Variants in PRKDC observed in about 807,000 individuals in gnomAD.
PRKDC encodes the protein DNA-dependent protein kinase catalytic subunit.
In PRKDC, 82 loss-of-function variants were observed where a neutral mutation model predicts 486.9. That is an observed-to-expected ratio of 0.17 (90% CI 0.14 to 0.20). The LOEUF is 0.20. Among genes scored for constraint, PRKDC ranks in the 10% least tolerant of loss-of-function variants. The pLI is 1.00. For missense variants in PRKDC, 4,504 were observed against 5,038.2 expected, an observed-to-expected ratio of 0.89 and a Z score of 3.21; for synonymous variants, 1,895 against 1,837.0, an observed-to-expected ratio of 1.03 and a Z score of -0.81.
At chr8:47,930,589 C>G in intron 17 of PRKDC, 83 bp downstream of exon 17, 1 of 1,353,550 alleles carries the variant, frequency 7.4e-7, no homozygotes, top group Non-Finnish European at 1.0e-6. Flanking sequence ...TCATTTCTTA[C>G]ATCTATATAA....
At chr8:47,954,066 C>G in intron 5 of PRKDC, 147 bp from the exon 6 acceptor site, 1 of 523,190 alleles carries the variant, frequency 1.9e-6, no homozygotes, top group Non-Finnish European at 3.3e-6. Flanking sequence ...TTTAGGACTG[C>G]ATTCTTTCCT....
At chr8:47,909,089 G>C (rs934125954) in intron 25 of PRKDC, among the ~76,000 whole-genome samples, 2 of 152,114 alleles carry the variant, frequency 1.3e-5, no homozygotes, top group African/African-American at 4.8e-5. Context: ...CCAGCCCCCA[G>C]GCAGTGTCTG....
At chr8:47,883,301 T>G (rs2089261830) in intron 36 of PRKDC, among the ~76,000 whole-genome samples, 1 of 152,232 alleles carries the variant, frequency 6.6e-6, no homozygotes, top group Non-Finnish European at 1.5e-5. Context: ...TCTAGATCCT[T>G]TCACACATAA....
At chr8:47,880,172 C>A (rs1319418349) in intron 38 of PRKDC, among the ~76,000 whole-genome samples, 1 of 152,082 alleles carries the variant, frequency 6.6e-6, no homozygotes, top group East Asian at 1.9e-4. Context: ...TGACTCTTAC[C>A]CAGGCTAGTT....
rs145884120 is a variant in PRKDC, at chr8:47,797,137, G to A, written c.10458+1100C>T. ...ACGTGTGAGCTGAGGACAGCATGGC[G>A]TGTGAGGAAGGATCAGTCCACACAG... On this transcript the variant is annotated intron_variant, in intron 73 of 85. Transcript: ENST00000314191. 3.7e-3 allele frequency among the ~76,000 whole-genome samples: 558 copies of A among 152,274 alleles called. 9 individuals are homozygous for A. Among genetic ancestry groups the A allele is most frequent in the African/African-American group, 0.013 (526 of 41,554 alleles).
chr8:47,925,957 T>C (rs2090150749), intron 21 of PRKDC, among the ~76,000 whole-genome samples: 1 of 152,218 alleles, frequency 6.6e-6, no homozygotes, highest in African/African-American at 2.4e-5. Context: ...GATTTTGTTT[T>C]GTCACCTAAT....
At chr8:47,925,857 G>C (rs2090148709) in intron 21 of PRKDC, among the ~76,000 whole-genome samples, 1 of 152,164 alleles carries the variant, frequency 6.6e-6, no homozygotes, top group African/African-American at 2.4e-5. Flanking sequence ...AGAACACATG[G>C]AGTTCTTTTT....
chr8:47,954,423 A>C lies in PRKDC; in HGVS notation c.423T>G (p.Ser141=). Residue 141 remains serine (S), a synonymous_variant, in exon 5 of 86, where the codon TCT becomes TCG. Coordinates refer to ENST00000314191, the MANE Select transcript of PRKDC (RefSeq NM_006904.7). Reference sequence around the variant, plus strand: ...CAATTTTAAATTCATCCATGAGTCTAGAACTTCTAAAAGTCTGAAGTAACT... The same window carrying C: ...CAATTTTAAATTCATCCATGAGTCTCGAACTTCTAAAAGTCTGAAGTAACT... ...LIKLLQTFRS[S]RLMDEFKIGE... 3.7e-6 allele frequency: 5 copies of C among 1,361,454 alleles called. No homozygotes were observed. Among genetic ancestry groups the C allele is most frequent in the Non-Finnish European group, 5.0e-6 (5 of 1,004,472 alleles). 84.3% of individuals were successfully genotyped at this position (1,361,454 alleles called of 1,614,324 possible).
chr8:47,872,121 G>A (rs1049333317), intron 40 of PRKDC, among the ~76,000 whole-genome samples: 13 of 152,138 alleles, frequency 8.5e-5, no homozygotes, highest in South Asian at 2.1e-4. Context: ...ACAGCAAAAC[G>A]TTTAAAAAGC....
At chr8:47,806,613 G>A (rs1472795023) in intron 69 of PRKDC, among the ~76,000 whole-genome samples, 1 of 152,180 alleles carries the variant, frequency 6.6e-6, no homozygotes, top group African/African-American at 2.4e-5. Flanking sequence ...CATTTAAATA[G>A]ATTACATGCA....
intron 40 of PRKDC, among the ~76,000 whole-genome samples, chr8:47,872,367 A>G (rs548483095): frequency 1.3e-3 from 200 of 152,276 alleles, no homozygotes; most frequent in Non-Finnish European, 2.4e-3. Context: ...GAAGGGAAGC[A>G]AGGAGGAAAG....
At chr8:47,839,116 A>ATT (rs778791110) in intron 56 of PRKDC, 32 bp downstream of exon 56, 54 of 1,527,960 alleles carry the variant, frequency 3.5e-5, no homozygotes, top group Non-Finnish European at 4.9e-5. Context: ...TACCCTTAAC[A>ATT]TTTAATTGTC....
intron 44 of PRKDC, 86 bp from the exon 45 acceptor site, chr8:47,861,057 A>T (rs1000552779): frequency 3.3e-6 from 3 of 909,834 alleles, no homozygotes; most frequent in Non-Finnish European, 4.8e-6. Context: ...TGGCAAAAAA[A>T]AAATTATAAA....
chr8:47,951,125 T>C (rs944478363), intron 7 of PRKDC, among the ~76,000 whole-genome samples: 2 of 152,058 alleles, frequency 1.3e-5, no homozygotes, highest in Admixed American at 6.6e-5. Flanking sequence ...TCCCAGCACT[T>C]TGGGAGGCCA....
rs369170173 is a variant in PRKDC at position 47,794,136 on chromosome 8, AATAGAT to A, written c.10670+148_10670+153del. ...ATCCTATAACAAGTAACATACCCAG[AATAGAT>A]ATATTCAACAAAGCGACGGCTAAGA... is the stretch of plus-strand genomic sequence containing the variant. On this transcript the variant is annotated intron_variant, in intron 74 of 85. Transcript: ENST00000314191. 1.8e-4 allele frequency among the ~76,000 whole-genome samples: 28 copies of A among 152,352 alleles called. 1 individual carries two copies. Among genetic ancestry groups the A allele is most frequent in the African/African-American group, 6.5e-4 (27 of 41,594 alleles).
chr8:47,791,915 T>A (rs1403574054), intron 74 of PRKDC, among the ~76,000 whole-genome samples: 1 of 152,174 alleles, frequency 6.6e-6, no homozygotes, highest in Non-Finnish European at 1.5e-5. Flanking sequence ...GCAGCACTAT[T>A]CACAACGGCC....
chr8:47,855,380 A>AG lies in PRKDC; in HGVS notation c.6610-8dup. 6.3e-7 allele frequency: 1 copy of AG among 1,584,040 alleles called. No homozygotes were observed. The highest frequency in any genetic ancestry group is 1.7e-4 in the Middle Eastern group (1 of 6,006). On this transcript the variant is annotated splice_polypyrimidine_tract_variant and splice_region_variant and intron_variant, in intron 49 of 85. Transcript: ENST00000314191. Reference sequence around the variant, plus strand: ...CTTCATCTTTAGGGACCCCCTGAAAAGGTACAGAAATTCTGTATTAATATG... The same window carrying AG: ...CTTCATCTTTAGGGACCCCCTGAAAAGGGTACAGAAATTCTGTATTAATATG...
chr8:47,783,699 C>G (rs375108878), intron 78 of PRKDC, 43 bp downstream of exon 78: 3 of 1,594,638 alleles, frequency 1.9e-6, no homozygotes, highest in African/African-American at 2.7e-5. Flanking sequence ...ATCTGAAGAA[C>G]GTTCATCAGG....
At chr8:47,882,892 C>G (rs893796955) in intron 36 of PRKDC, among the ~76,000 whole-genome samples, 1 of 152,224 alleles carries the variant, frequency 6.6e-6, no homozygotes, top group African/African-American at 2.4e-5. Context: ...CGTCATCAAA[C>G]TCTCCCAAGT....
Sources: allele counts gnomAD v4.1 joint callset (sites outside exome capture counted in the v4.1 genomes callset), GRCh38; gene constraint gnomAD v4.1.1; transcripts MANE v1.5; gene names NCBI Gene and HGNC (gene_info 2026-07-23, HGNC 2026-07-21).